CA13: variants seen among roughly 807,000 people sequenced by gnomAD.
CA13 encodes CA-XIII.
In CA13, 21 loss-of-function variants were observed where a neutral mutation model predicts 31.5. The ratio of observed to expected loss-of-function variants is 0.67; its 90% CI spans 0.47 to 0.96. The LOEUF (loss-of-function observed/expected upper bound fraction) is 0.96. Among genes scored for constraint, CA13 ranks in the 40% least tolerant of loss-of-function variants. CA13 has a pLI of 0.00. For missense variants in CA13, 315 were observed against 318.9 expected, an observed-to-expected ratio of 0.99 and a Z score of 0.09; for synonymous variants, 117 against 111.4, an observed-to-expected ratio of 1.05 and a Z score of -0.32.
chr8:85,261,338 G>A (rs1052306701), intron 3 of CA13, among the ~76,000 whole-genome samples: 4 of 152,082 alleles, frequency 2.6e-5, no homozygotes, highest in African/African-American at 4.8e-5. Flanking sequence ...AGTCCTCCAG[G>A]TAAATATTAC....
intron 6 of CA13, among the ~76,000 whole-genome samples, chr8:85,276,471 G>A (rs1286356623): frequency 6.6e-6 from 1 of 152,270 alleles, no homozygotes; most frequent in Non-Finnish European, 1.5e-5. Context: ...AGATCCACTG[G>A]GTGAAGCCAG....
At chr8:85,262,657 T>TA (rs1222344676) in intron 3 of CA13, among the ~76,000 whole-genome samples, 2 of 152,166 alleles carry the variant, frequency 1.3e-5, no homozygotes, top group Non-Finnish European at 2.9e-5. Context: ...GAAGTGGTGA[T>TA]ATTTGCATTT....
chr8:85,266,673 T>C lies in CA13; in HGVS notation c.420T>C (p.Asp140=). 4 of 1,613,996 alleles carry C rather than the reference T, an allele frequency of 2.5e-6. No individual in the cohort carries two copies. The highest frequency in any genetic ancestry group is 3.4e-6 in the Non-Finnish European group (4 of 1,179,894). ...PSFVEAAHEP[D]GLAVLGVFLQ... ...TTGTTGAGGCAGCTCATGAACCAGATGGACTGGCTGTCTTGGGAGTGTTTT... is the reference window on the plus strand; with the variant it reads ...TTGTTGAGGCAGCTCATGAACCAGACGGACTGGCTGTCTTGGGAGTGTTTT... The change falls in exon 4 of 7, where the codon GAT becomes GAC. Residue 140 remains aspartate, a synonymous_variant. Coordinates refer to ENST00000321764, the MANE Select transcript of CA13 (RefSeq NM_198584.3).
In CA13 at chr8:85,267,281, C is replaced by T. The variant is rs571396515; in HGVS notation, c.450+578C>T. On this transcript the variant is annotated intron_variant, in intron 4 of 6. Transcript: ENST00000321764. Reference sequence around the variant, plus strand: ...TAACTCATGAACAGAGAATGCTTCACGGATGGCAACAATTCCTTGCCTTTG... The same window carrying T: ...TAACTCATGAACAGAGAATGCTTCATGGATGGCAACAATTCCTTGCCTTTG... The T allele has an allele frequency of 6.3e-5, 62 of 985,870 alleles. No individual in the cohort carries two copies. In the African/African-American group the frequency reaches 9.2e-4, roughly 15 times the overall value. The allele number at this position is 985,870 out of a possible 1,614,324, so 61.1% of individuals were successfully genotyped here.
At position 85,268,514 on chromosome 8, in the gene CA13, C is replaced by T; in HGVS notation, c.556C>T (p.Leu186Phe). The T allele has an allele frequency of 6.2e-7, 1 of 1,614,064 alleles. No individual in the cohort carries two copies. The highest frequency in any genetic ancestry group is 8.5e-7 in the Non-Finnish European group (1 of 1,179,940). The change falls in exon 6 of 7, where the codon CTT becomes TTT. Residue 186 changes from leucine (L) to phenylalanine (F), a missense_variant. Physicochemically the swap from Leu to Phe is conservative, Grantham distance 22 (BLOSUM62 0). Coordinates refer to ENST00000321764, the MANE Select transcript of CA13 (RefSeq NM_198584.3). ...CACAAATTTTGACCTATTGTCTCTG[C>T]TTCCACCATCCTGGGACTACTGGAC... ...RFTNFDLLSL[L>F]PPSWDYWTYP...
chr8:85,275,472 A>T (rs1191734999), intron 6 of CA13, among the ~76,000 whole-genome samples: 1 of 152,148 alleles, frequency 6.6e-6, no homozygotes, highest in Admixed American at 6.5e-5. Flanking sequence ...AATTGGACAC[A>T]TTCATGGTAA....
intron 1 of CA13, 67 bp downstream of exon 1, chr8:85,245,932 G>T: frequency 1.3e-6 from 2 of 1,573,930 alleles, no homozygotes; most frequent in Non-Finnish European, 1.7e-6. Flanking sequence ...GCGACGCCCC[G>T]GCGCTCGCTG....
At chr8:85,263,495 G>A (rs1807414256) in intron 3 of CA13, among the ~76,000 whole-genome samples, 1 of 152,194 alleles carries the variant, frequency 6.6e-6, no homozygotes, top group Non-Finnish European at 1.5e-5. Context: ...TGGACTCTGG[G>A]GGTGGTGGAG....
chr8:85,277,648 T>G (rs1392977136), intron 6 of CA13, among the ~76,000 whole-genome samples: 2 of 152,128 alleles, frequency 1.3e-5, no homozygotes, highest in Non-Finnish European at 2.9e-5. Context: ...CTTCGAACCC[T>G]GAGAGCGCGC....
chr8:85,251,694 G>T (rs1268633520), intron 2 of CA13, among the ~76,000 whole-genome samples: 3 of 152,082 alleles, frequency 2.0e-5, no homozygotes, highest in African/African-American at 7.2e-5. Context: ...AATTGCCAAA[G>T]TAATATCCAC....
At chr8:85,249,646 G>A (rs1361923055) in intron 1 of CA13, among the ~76,000 whole-genome samples, 1 of 152,152 alleles carries the variant, frequency 6.6e-6, no homozygotes, top group Non-Finnish European at 1.5e-5. Context: ...GTCATGCTAT[G>A]ATGTTTTAAT....
In CA13 at chr8:85,250,842, C is replaced by A. The variant is rs1813813380; in HGVS notation, c.140C>A (p.Pro47Gln). 6.2e-7 allele frequency: 1 copy of A among 1,613,822 alleles called. No individual in the cohort carries two copies. The highest frequency in any genetic ancestry group is 1.3e-5 in the African/African-American group (1 of 74,980). Reference protein sequence around the residue: ...KEVKYDSSLRPLSIKYDPSSA... With the variant: ...KEVKYDSSLRQLSIKYDPSSA... ...GTGAAATATGACTCTTCCCTCCGAC[C>A]ACTTAGTATCAAGTATGACCCAAGC... The change falls in exon 2 of 7, where the codon CCA becomes CAA. Residue 47 changes from proline to glutamine, a missense_variant. Pro to Gln is a moderately conservative substitution (Grantham distance 76). Coordinates refer to ENST00000321764, the MANE Select transcript of CA13 (RefSeq NM_198584.3).
At chr8:85,264,600 T>A (rs1319289341) in intron 3 of CA13, among the ~76,000 whole-genome samples, 1 of 152,244 alleles carries the variant, frequency 6.6e-6, no homozygotes. Flanking sequence ...TACTTTTAAC[T>A]AGCAGAAGGA....
At chr8:85,251,001 C>CAT in intron 2 of CA13, 64 bp downstream of exon 2, 1 of 771,822 alleles carries the variant, frequency 1.3e-6, no homozygotes, top group Non-Finnish European at 2.0e-6. Context: ...AGACTATACT[C>CAT]TTTTTTTTTT....
chr8:85,270,292 C>T lies in CA13; in HGVS notation c.669+1665C>T, dbSNP rs561344866. On this transcript the variant is annotated intron_variant, in intron 6 of 6. Transcript: ENST00000321764. The stretch of plus-strand genomic sequence containing the variant: ...GATACCAGAGCTGGCCCACCTTTAC[C>T]GAGATCATTTCAGGCAGCATTTCCC... 7.2e-5 allele frequency among the ~76,000 whole-genome samples: 11 copies of T among 152,238 alleles called. No homozygotes were observed. The South Asian group carries it at 8.3e-4, about 11-fold the overall frequency.
intron 1 of CA13, among the ~76,000 whole-genome samples, chr8:85,248,240 C>T (rs1348646657): frequency 6.6e-6 from 1 of 152,034 alleles, no homozygotes; most frequent in African/African-American, 2.4e-5. Context: ...GGTGGATCAC[C>T]TGAGATCGGG....
At chr8:85,274,829 C>T (rs144743623) in intron 6 of CA13, among the ~76,000 whole-genome samples, 147 of 152,308 alleles carry the variant, frequency 9.7e-4, no homozygotes, top group African/African-American at 3.1e-3. Context: ...GTTGCAGACG[C>T]CACTCGTCCT....
intron 6 of CA13, among the ~76,000 whole-genome samples, chr8:85,278,237 G>T (rs927276682): frequency 2.3e-5 from 3 of 131,472 alleles, no homozygotes; most frequent in Non-Finnish European, 4.6e-5. Context: ...CTGCAATCCA[G>T]CCTGGGTGAC....
At chr8:85,247,462 C>T (rs887634627) in intron 1 of CA13, among the ~76,000 whole-genome samples, 6 of 152,136 alleles carry the variant, frequency 3.9e-5, no homozygotes, top group East Asian at 1.9e-4. Context: ...CTTTTAGATG[C>T]GATCTCTCTC....
Sources: gnomAD v4.1 joint callset for allele counts (sites outside exome capture counted in the v4.1 genomes callset) on GRCh38, gnomAD v4.1.1 for gene constraint, MANE v1.5 for transcripts, NCBI Gene and HGNC (gene_info 2026-07-23, HGNC 2026-07-21) for gene names.